The following PRKG1 variants were observed in gnomAD, a reference collection of about 807,000 sequenced individuals.
PRKG1 encodes cGMP-dependent protein kinase 1.
Under a neutral mutation model 88.1 loss-of-function variants are expected in PRKG1, and 35 were observed. The ratio of observed to expected loss-of-function variants is 0.40; its 90% CI spans 0.30 to 0.53. PRKG1 has a LOEUF of 0.53. Ranked by LOEUF, PRKG1 falls within the 20% of genes least tolerant of loss-of-function variation. The pLI, the probability that PRKG1 is intolerant of heterozygous loss-of-function variation, is 0.59. For synonymous variants in PRKG1, 303 were observed against 292.5 expected, an observed-to-expected ratio of 1.04 and a Z score of -0.37; for missense variants, 540 against 839.8, an observed-to-expected ratio of 0.64 and a Z score of 4.41.
intron 3 of PRKG1, among the ~76,000 whole-genome samples, chr10:51,532,224 T>C (rs888187600): frequency 1.3e-5 from 2 of 152,192 alleles, no homozygotes; most frequent in Non-Finnish European, 2.9e-5. Context: ...TAGGCGACTA[T>C]TGTTTCAGTG....
chr10:51,104,951 G>A (rs996245498), intron 1 of PRKG1, among the ~76,000 whole-genome samples: 1 of 151,908 alleles, frequency 6.6e-6, no homozygotes, highest in East Asian at 1.9e-4. Flanking sequence ...GGCTAGTCTC[G>A]AACTCCTCAC....
At chr10:52,293,431 CA>C (rs1390377503) in intron 17 of PRKG1, among the ~76,000 whole-genome samples, 2 of 151,738 alleles carry the variant, frequency 1.3e-5, no homozygotes, top group Non-Finnish European at 2.9e-5. Flanking sequence ...CATATGGAAC[CA>C]AAAAAGAGCC....
intron 2 of PRKG1, among the ~76,000 whole-genome samples, chr10:51,423,206 G>A (rs1222562107): frequency 1.3e-5 from 2 of 152,104 alleles, no homozygotes; most frequent in African/African-American, 4.8e-5. Flanking sequence ...ACACCAGGTT[G>A]ATCAGCATAC....
Position 52,218,599 on chromosome 10 carries a change from G to A in PRKG1, c.1077-32971G>A, listed in dbSNP as rs116250758. ...GCAGTATTCTCCAACCTGAATAGAA[G>A]TCTTAACTTCTAAACAATTTAGACT... On this transcript the variant is annotated intron_variant, in intron 9 of 17. Coordinates refer to ENST00000373980, the MANE Select transcript of PRKG1 (RefSeq NM_006258.4). Among the ~76,000 whole-genome samples the A allele has an allele frequency of 4.0e-3, 616 of 152,176 alleles. 2 individuals carry two copies. Among genetic ancestry groups the A allele is most frequent in the African/African-American group, 0.014 (580 of 41,514 alleles).
chr10:51,310,870 G>A (rs1014825785), intron 2 of PRKG1, among the ~76,000 whole-genome samples: 2 of 152,184 alleles, frequency 1.3e-5, no homozygotes, highest in African/African-American at 4.8e-5. Context: ...GCACATTTTG[G>A]TTGGTGCTGG....
rs1292569605 is a variant in PRKG1, at chr10:51,978,778, C to A, written c.762+71208C>A. Among the ~76,000 whole-genome samples, 4 of 151,842 alleles carry A rather than the reference C, an allele frequency of 2.6e-5. No homozygotes were observed. In the East Asian group the frequency reaches 7.7e-4, roughly 29 times the overall value. On this transcript the variant is annotated intron_variant, in intron 5 of 17. Coordinates refer to ENST00000373980, the MANE Select transcript of PRKG1 (RefSeq NM_006258.4). ...TCCCAGGTTGACTGTTGTTCATGTA[C>A]AAAAATGCTAGTGATTTTTTGTATG...
At chr10:51,842,900 T>C (rs777526330) in intron 4 of PRKG1, among the ~76,000 whole-genome samples, 1 of 152,112 alleles carries the variant, frequency 6.6e-6, no homozygotes, top group Non-Finnish European at 1.5e-5. Context: ...TTATATTTAA[T>C]GCTTACTCTA....
intron 3 of PRKG1, among the ~76,000 whole-genome samples, chr10:51,769,226 A>C (rs1232798662): frequency 6.6e-6 from 1 of 152,176 alleles, no homozygotes; most frequent in African/African-American, 2.4e-5. Flanking sequence ...TCGGCGTCAG[A>C]GTGGTTCTCT....
intron 2 of PRKG1, among the ~76,000 whole-genome samples, chr10:51,317,365 C>A (rs1723120383): frequency 6.6e-6 from 1 of 152,114 alleles, no homozygotes; most frequent in African/African-American, 2.4e-5. Context: ...AAAGTAGTCA[C>A]AAATATTTGA....
At chr10:51,674,935 A>G (rs1383870132) in intron 3 of PRKG1, among the ~76,000 whole-genome samples, 1 of 152,212 alleles carries the variant, frequency 6.6e-6, no homozygotes, top group Non-Finnish European at 1.5e-5. Context: ...GGATCTTAGC[A>G]TTAAAGAAGC....
chr10:52,149,264 TA>T (rs1023307643), intron 8 of PRKG1, among the ~76,000 whole-genome samples: 2 of 151,842 alleles, frequency 1.3e-5, no homozygotes. Flanking sequence ...GAAAGGTTCA[TA>T]AAAAGCTGAG....
At chr10:51,150,780 C>A (rs191444152) in intron 1 of PRKG1, among the ~76,000 whole-genome samples, 2 of 152,164 alleles carry the variant, frequency 1.3e-5, no homozygotes, top group East Asian at 3.9e-4. Flanking sequence ...ATCCCACACT[C>A]TACATTCAGT....
chr10:51,439,507 T>G (rs1839034574), intron 2 of PRKG1, among the ~76,000 whole-genome samples: 2 of 152,020 alleles, frequency 1.3e-5, no homozygotes, highest in South Asian at 4.1e-4. Flanking sequence ...TACAGTCTTC[T>G]GCAGCAAATG....
upstream of PRKG1, among the ~76,000 whole-genome samples, chr10:51,072,139 G>A (rs139683717): frequency 4.0e-3 from 613 of 152,260 alleles, 1 homozygote; most frequent in Non-Finnish European, 5.6e-3. Flanking sequence ...AGGTTGCAGG[G>A]AGCTGAGATT....
At chr10:51,941,369 C>T (rs536290242) in intron 5 of PRKG1, among the ~76,000 whole-genome samples, 7 of 152,066 alleles carry the variant, frequency 4.6e-5, no homozygotes, top group African/African-American at 1.7e-4. Context: ...GTCTCAGTCA[C>T]TGTAAGAAAT....
chr10:51,273,172 C>G (rs60768858), intron 2 of PRKG1, among the ~76,000 whole-genome samples: 2 of 151,970 alleles, frequency 1.3e-5, no homozygotes, highest in Non-Finnish European at 1.5e-5. Context: ...GAAATCCCTG[C>G]TATCTTTCTT....
At chr10:52,102,705 G>C (rs983827351) in intron 7 of PRKG1, among the ~76,000 whole-genome samples, 1 of 127,856 alleles carries the variant, frequency 7.8e-6, no homozygotes, top group Non-Finnish European at 1.8e-5. Flanking sequence ...TGACTTGATG[G>C]AGATGAGTAC....
chr10:51,032,641 C>A (rs1843298527), intron 1 of PRKG1, among the ~76,000 whole-genome samples: 1 of 152,040 alleles, frequency 6.6e-6, no homozygotes, highest in East Asian at 1.9e-4. Flanking sequence ...TGCTTCTAAT[C>A]CCAACTACTC....
chr10:52,031,738 T>C (rs945111783), intron 5 of PRKG1, among the ~76,000 whole-genome samples: 5 of 152,184 alleles, frequency 3.3e-5, no homozygotes, highest in Admixed American at 1.3e-4. Context: ...GGGTATAAGA[T>C]ATATAAATAA....
Sources: gnomAD v4.1 joint callset for allele counts (sites outside exome capture counted in the v4.1 genomes callset) on GRCh38, gnomAD v4.1.1 for gene constraint, MANE v1.5 for transcripts, NCBI Gene and HGNC (gene_info 2026-07-23, HGNC 2026-07-21) for gene names.